PRKG1: variants seen among roughly 807,000 people sequenced by gnomAD.
PRKG1 encodes the protein protein kinase cGMP-dependent 1.
In PRKG1, 35 loss-of-function variants were observed where a neutral mutation model predicts 88.1. The ratio of observed to expected loss-of-function variants is 0.40; its 90% CI spans 0.30 to 0.53. PRKG1 has a LOEUF of 0.53. Among genes scored for constraint, PRKG1 ranks in the 20% least tolerant of loss-of-function variants. The pLI is 0.59. For synonymous variants in PRKG1, 303 were observed against 292.5 expected (o/e 1.04, Z -0.37); for missense variants, 540 against 839.8 (o/e 0.64, Z 4.41).
chr10:51,980,911 C>A (rs1278423922), intron 5 of PRKG1, among the ~76,000 whole-genome samples: 1 of 152,104 alleles, frequency 6.6e-6, no homozygotes, highest in Non-Finnish European at 1.5e-5. Flanking sequence ...AGACAGCATA[C>A]CAATGGGTCT....
intron 2 of PRKG1, among the ~76,000 whole-genome samples, chr10:51,368,875 T>C (rs544791201): frequency 2.6e-5 from 4 of 152,200 alleles, no homozygotes; most frequent in African/African-American, 9.6e-5. Flanking sequence ...CATCAGGAAG[T>C]AGTCTCCAAG....
At chr10:52,270,896 A>T (rs944293944) in intron 10 of PRKG1, among the ~76,000 whole-genome samples, 13 of 143,278 alleles carry the variant, frequency 9.1e-5, no homozygotes, top group African/African-American at 2.0e-4. Flanking sequence ...AAAAAAAGAT[A>T]AAAAAAATTA....
intron 1 of PRKG1, among the ~76,000 whole-genome samples, chr10:51,050,914 C>A (rs937777749): frequency 4.6e-5 from 7 of 151,760 alleles, no homozygotes; most frequent in Admixed American, 1.3e-4. Flanking sequence ...TGTTGAATAC[C>A]TTTTCATATA....
At chr10:51,369,349 C>T (rs984384980) in intron 2 of PRKG1, among the ~76,000 whole-genome samples, 8 of 152,002 alleles carry the variant, frequency 5.3e-5, no homozygotes, top group Admixed American at 2.0e-4. Flanking sequence ...TCATAGGTGG[C>T]GCCTTGTCAC....
intron 9 of PRKG1, among the ~76,000 whole-genome samples, chr10:52,172,091 C>A (rs966692763): frequency 6.6e-6 from 1 of 152,094 alleles, no homozygotes; most frequent in Non-Finnish European, 1.5e-5. Flanking sequence ...CGTGAGCCAC[C>A]GCGCCCGGCC....
chr10:50,991,349 A>G lies in PRKG1; in HGVS notation c.-30A>G. 6.8e-7 allele frequency: 1 copy of G among 1,477,646 alleles called. No homozygotes were observed. The highest frequency in any genetic ancestry group is 9.0e-7 in the Non-Finnish European group (1 of 1,111,428). The allele number at this position is 1,477,646 out of a possible 1,614,324, so 91.5% of individuals were successfully genotyped here. On this transcript the variant is annotated 5_prime_UTR_variant, in exon 1 of 18. Coordinates refer to the PRKG1 transcript ENST00000401604. The surrounding 1 kb of genome is among the most constrained non-coding windows in gnomAD (Gnocchi z 4.5). ...CCGCCGCCGCCGCCGCCGCCCGAGA[A>G]AAAGTTTCGCGGAGGGGCTCAGTGA... is the stretch of plus-strand genomic sequence containing the variant.
intron 3 of PRKG1, among the ~76,000 whole-genome samples, chr10:51,485,603 G>T (rs1589006658): frequency 6.6e-6 from 1 of 152,244 alleles, no homozygotes; most frequent in African/African-American, 2.4e-5. Context: ...TTCAAGAGAG[G>T]CAAGATACTT....
intron 5 of PRKG1, among the ~76,000 whole-genome samples, chr10:51,916,400 A>T (rs1842340724): frequency 6.6e-6 from 1 of 152,218 alleles, no homozygotes. Context: ...TAAATGGTGT[A>T]AAAACGGAAG....
At chr10:51,559,416 C>T (rs1410200383) in intron 3 of PRKG1, among the ~76,000 whole-genome samples, 2 of 152,006 alleles carry the variant, frequency 1.3e-5, no homozygotes, top group East Asian at 3.9e-4. Flanking sequence ...CTTATTCATG[C>T]ATAAGTCAAA....
intron 2 of PRKG1, among the ~76,000 whole-genome samples, chr10:51,312,770 A>G (rs1841222812): frequency 6.6e-6 from 1 of 151,736 alleles, no homozygotes. Flanking sequence ...ATGAACCTTC[A>G]CAAATATACT....
At chr10:51,648,368 G>T (rs1039518431) in intron 3 of PRKG1, among the ~76,000 whole-genome samples, 14 of 152,290 alleles carry the variant, frequency 9.2e-5, no homozygotes, top group African/African-American at 3.4e-4. Flanking sequence ...CTTAATTTAA[G>T]CTGTGGTGCT....
chr10:51,970,001 TACACACAC>T (rs35117709), intron 5 of PRKG1, among the ~76,000 whole-genome samples: 11,717 of 144,464 alleles, frequency 0.081, 877 homozygotes, highest in African/African-American at 0.2. Flanking sequence ...ATTCTCTTCA[TACACACAC>T]ACACACACAC....
At chr10:51,205,374 T>C (rs576414336) in intron 2 of PRKG1, among the ~76,000 whole-genome samples, 1 of 151,622 alleles carries the variant, frequency 6.6e-6, no homozygotes, top group African/African-American at 2.4e-5. Flanking sequence ...TGACCTCCAG[T>C]GATCTGTCTG....
intron 1 of PRKG1, among the ~76,000 whole-genome samples, chr10:51,145,576 C>A (rs191174476): frequency 6.6e-6 from 1 of 152,142 alleles, no homozygotes. Flanking sequence ...GATCTGGATT[C>A]TTTTGGAAAC....
At position 52,294,694 on chromosome 10, in the gene PRKG1, T is replaced by C. The variant is rs181058655; in HGVS notation, c.*794T>C. On this transcript the variant is annotated 3_prime_UTR_variant, in exon 18 of 18. Coordinates refer to ENST00000373980, the MANE Select transcript of PRKG1 (RefSeq NM_006258.4). ...CAAAACCATTTCATATTTTTTAAAA[T>C]ATTGTGCTTAAAGATGGTCCTGGAA... The C allele has an allele frequency of 1.3e-5, 2 of 152,664 alleles. No individual in the cohort carries two copies. The highest frequency in any genetic ancestry group is 3.9e-4 in the East Asian group (2 of 5,190). The allele number at this position is 152,664 out of a possible 1,614,324, so 9.5% of individuals were successfully genotyped here. A position where few individuals can be genotyped will look rare whatever the true frequency, so the allele number is the denominator to read the frequency against.
intron 7 of PRKG1, among the ~76,000 whole-genome samples, chr10:52,073,399 A>G (rs1165077139): frequency 6.6e-6 from 1 of 152,122 alleles, no homozygotes; most frequent in African/African-American, 2.4e-5. Context: ...TTCTCCTCAA[A>G]GGCTTGCTCT....
intron 4 of PRKG1, among the ~76,000 whole-genome samples, chr10:51,829,542 ATTATTG>A (rs1277069386): frequency 1.3e-5 from 2 of 152,212 alleles, no homozygotes; most frequent in African/African-American, 4.8e-5. Context: ...ATATTAGGAA[ATTATTG>A]TTAGTGTTTG....
At chr10:51,042,972 A>C (rs2132760275) in intron 1 of PRKG1, among the ~76,000 whole-genome samples, 1 of 152,288 alleles carries the variant, frequency 6.6e-6, no homozygotes, top group East Asian at 1.9e-4. Context: ...AACCCTGCCT[A>C]TGCCTTAATC....
At chr10:52,249,684 G>T (rs1245359543) in intron 9 of PRKG1, among the ~76,000 whole-genome samples, 3 of 151,964 alleles carry the variant, frequency 2.0e-5, no homozygotes, top group Non-Finnish European at 4.4e-5. Flanking sequence ...TTAGCTGGGC[G>T]TAGTGACGCA....
Sources: allele counts gnomAD v4.1 joint callset (sites outside exome capture counted in the v4.1 genomes callset), GRCh38; gene constraint gnomAD v4.1.1; non-coding constraint Gnocchi (gnomAD v3.1); transcripts MANE v1.5; gene names NCBI Gene and HGNC (gene_info 2026-07-23, HGNC 2026-07-21).